NXPH1: variants seen among roughly 807,000 people sequenced by gnomAD.
The protein encoded by NXPH1 is neurexophilin 1, also known as neurexophilin-1.
In NXPH1, 5 loss-of-function variants were observed where a neutral mutation model predicts 23.7. The ratio of observed to expected loss-of-function variants is 0.21; its 90% CI spans 0.11 to 0.44. NXPH1 has a LOEUF of 0.44. NXPH1 is among the 20% of genes least tolerant of loss of function. The pLI, the probability that NXPH1 is intolerant of heterozygous loss-of-function variation, is 0.99. For synonymous variants in NXPH1, 144 were observed against 122.2 expected, an observed-to-expected ratio of 1.18 and a Z score of -1.18; for missense variants, 324 against 321.6, an observed-to-expected ratio of 1.01 and a Z score of -0.06.
chr7:8,646,307 A>G (rs1291791663), intron 2 of NXPH1, among the ~76,000 whole-genome samples: 1 of 152,128 alleles, frequency 6.6e-6, no homozygotes, highest in Non-Finnish European at 1.5e-5. Context: ...TACAAGTGCA[A>G]TGGATTTTTG....
At chr7:8,724,491 C>T (rs1029050282) in intron 2 of NXPH1, among the ~76,000 whole-genome samples, 5 of 151,992 alleles carry the variant, frequency 3.3e-5, no homozygotes. Context: ...AATGAGTAAG[C>T]CATTTTAAGC....
intron 2 of NXPH1, among the ~76,000 whole-genome samples, chr7:8,694,474 A>T (rs537691586): frequency 6.6e-6 from 1 of 152,346 alleles, no homozygotes; most frequent in South Asian, 2.1e-4. Flanking sequence ...GAGAAAAAAA[A>T]GGCTCTTTTA....
At chr7:8,609,033 G>A (rs76085525) in intron 2 of NXPH1, among the ~76,000 whole-genome samples, 2,622 of 152,170 alleles carry the variant, frequency 0.017, 73 homozygotes, top group African/African-American at 0.06. Context: ...CAGCTTAAAT[G>A]ATATAAATGA....
intron 2 of NXPH1, among the ~76,000 whole-genome samples, chr7:8,742,222 C>G (rs1333411563): frequency 2.0e-5 from 3 of 152,048 alleles, no homozygotes; most frequent in Non-Finnish European, 2.9e-5. Context: ...TCATTTTATC[C>G]TATATGAACT....
intron 2 of NXPH1, among the ~76,000 whole-genome samples, chr7:8,695,125 A>AT (rs1191238410): frequency 6.6e-6 from 1 of 152,228 alleles, no homozygotes; most frequent in Non-Finnish European, 1.5e-5. Context: ...TTTCTTCTAT[A>AT]TTAAATCTGG....
At chr7:8,668,976 G>C (rs1342822531) in intron 2 of NXPH1, among the ~76,000 whole-genome samples, 1 of 152,200 alleles carries the variant, frequency 6.6e-6, no homozygotes, top group Non-Finnish European at 1.5e-5. Flanking sequence ...GGGTCCTCTG[G>C]GGTTGGCCTG....
At position 8,608,329 on chromosome 7, in the gene NXPH1, A is replaced by ATTTT. The variant is rs34703338; in HGVS notation, c.55-142666_55-142663dup. Among the ~76,000 whole-genome samples, 400 of 143,782 alleles carry ATTTT rather than the reference A, an allele frequency of 2.8e-3. 3 individuals carry two copies. Among genetic ancestry groups the ATTTT allele is most frequent in the African/African-American group, 9.6e-3 (372 of 38,808 alleles). The allele number at this position is 143,782 out of a possible 152,430, so 94.3% of individuals were successfully genotyped here. ...AGGACAAATTCTTAAAAATTCAGTG[A>ATTTT]TTTTTTTTTTTTTTTTGAGACAGGG... On this transcript the variant is annotated intron_variant, in intron 2 of 2. Transcript: ENST00000405863.
intron 2 of NXPH1, among the ~76,000 whole-genome samples, chr7:8,537,412 G>A (rs1009444258): frequency 5.3e-5 from 8 of 151,964 alleles, no homozygotes; most frequent in African/African-American, 9.7e-5. Flanking sequence ...ACTTACGATC[G>A]TAGCAGAAGG....
intron 2 of NXPH1, among the ~76,000 whole-genome samples, chr7:8,448,207 A>C (rs746423286): frequency 2.2e-4 from 33 of 152,236 alleles, no homozygotes; most frequent in Admixed American, 5.9e-4. Flanking sequence ...CCTCCCACCC[A>C]TTAGAGTTAT....
intron 2 of NXPH1, among the ~76,000 whole-genome samples, chr7:8,566,474 G>C (rs180824818): frequency 6.1e-4 from 92 of 151,902 alleles, no homozygotes; most frequent in Middle Eastern, 3.4e-3. Flanking sequence ...GGACTAAGTA[G>C]TGAGGATCTA....
intron 2 of NXPH1, among the ~76,000 whole-genome samples, chr7:8,558,363 A>G (rs1400530579): frequency 6.6e-6 from 1 of 151,702 alleles, no homozygotes; most frequent in Non-Finnish European, 1.5e-5. Context: ...CTCAGGTGCC[A>G]CTGGACATCC....
Position 8,442,280 on chromosome 7 carries a change from C to A in NXPH1, c.54+6513C>A, listed in dbSNP as rs957593719. 2.0e-5 allele frequency among the ~76,000 whole-genome samples: 3 copies of A among 152,242 alleles called. No individual in the cohort carries two copies. The highest frequency in any genetic ancestry group is 2.9e-5 in the Non-Finnish European group (2 of 68,040). On this transcript the variant is annotated intron_variant, in intron 2 of 2. Transcript: ENST00000405863. The surrounding 1 kb of genome is among the most constrained non-coding windows in gnomAD (Gnocchi z 4.6). ...CCGGGAGGCTTTTCTTGTACTGTTT[C>A]TTTCTCCCACAATAAGACAAATTGC...
At chr7:8,678,947 TTTTTTTTTTTTTTTTTG>T (rs1821004545) in intron 2 of NXPH1, among the ~76,000 whole-genome samples, 5 of 117,676 alleles carry the variant, frequency 4.2e-5, no homozygotes, top group Admixed American at 1.7e-4. Flanking sequence ...TTTTTTTTTT[TTTTTTTTTTTTTTTTTG>T]TTGAGACGGA....
intron 2 of NXPH1, among the ~76,000 whole-genome samples, chr7:8,564,788 T>G (rs1818510324): frequency 6.6e-6 from 1 of 151,826 alleles, no homozygotes; most frequent in Non-Finnish European, 1.5e-5. Context: ...TGCTCAAGTT[T>G]AAAAAGAATA....
At chr7:8,636,046 T>G (rs959965284) in intron 2 of NXPH1, among the ~76,000 whole-genome samples, 3 of 152,202 alleles carry the variant, frequency 2.0e-5, no homozygotes, top group Non-Finnish European at 4.4e-5. Flanking sequence ...TCTCTTTTAT[T>G]TTTATTGAAG....
chr7:8,692,196 C>A (rs1346486492), intron 2 of NXPH1, among the ~76,000 whole-genome samples: 2 of 151,684 alleles, frequency 1.3e-5, no homozygotes, highest in African/African-American at 4.8e-5. Context: ...TCTTTGTTCT[C>A]TGGAATATAA....
chr7:8,461,928 C>G (rs1816703830), intron 2 of NXPH1, among the ~76,000 whole-genome samples: 1 of 151,684 alleles, frequency 6.6e-6, no homozygotes, highest in Non-Finnish European at 1.5e-5. Flanking sequence ...TCATACTCCA[C>G]AAGCTACTTG....
At chr7:8,584,376 C>T (rs1818939574) in intron 2 of NXPH1, among the ~76,000 whole-genome samples, 1 of 152,164 alleles carries the variant, frequency 6.6e-6, no homozygotes, top group Non-Finnish European at 1.5e-5. Context: ...CCTTCTTCCC[C>T]TACAGACTTG....
At chr7:8,460,233 T>A (rs1297198326) in intron 2 of NXPH1, among the ~76,000 whole-genome samples, 1 of 152,182 alleles carries the variant, frequency 6.6e-6, no homozygotes, top group East Asian at 1.9e-4. Flanking sequence ...AGTAAAAAAA[T>A]TTTACCTGAA....
Sources: gnomAD v4.1 joint callset for allele counts (sites outside exome capture counted in the v4.1 genomes callset) on GRCh38, gnomAD v4.1.1 for gene constraint, Gnocchi (gnomAD v3.1) non-coding constraint, MANE v1.5 for transcripts, NCBI Gene and HGNC (gene_info 2026-07-23, HGNC 2026-07-21) for gene names.